CDH16: variants seen among roughly 807,000 people sequenced by gnomAD.
CDH16 encodes cadherin-16.
Under a neutral mutation model 87.6 loss-of-function variants are expected in CDH16, and 79 were observed. That is an observed-to-expected ratio of 0.90 (90% confidence interval 0.75 to 1.09). CDH16 has a LOEUF of 1.09. Ranked by LOEUF, CDH16 falls within the 50% of genes least tolerant of loss-of-function variation. The pLI is 0.00. For synonymous variants in CDH16, 457 were observed against 439.5 expected (o/e 1.04, Z -0.50); for missense variants, 1,124 against 1,071.7 (o/e 1.05, Z -0.68).
At chr16:66,914,883 T>C (rs926936848) in intron 6 of CDH16, among the ~76,000 whole-genome samples, 15 of 152,330 alleles carry the variant, frequency 9.8e-5, no homozygotes, top group African/African-American at 3.4e-4. Flanking sequence ...TTCATGCCTC[T>C]GGTCTGAGCT....
chr16:66,917,901 A>G (rs1056515540), intron 2 of CDH16, 120 bp downstream of exon 2: 17 of 1,044,262 alleles, frequency 1.6e-5, no homozygotes, highest in Non-Finnish European at 2.1e-5. Flanking sequence ...CCCAGCTCTG[A>G]CCCCTCCCAT....
In CDH16 at chr16:66,910,615, A is replaced by G. The variant is rs141575143; in HGVS notation, c.1925-113T>C. The G allele has an allele frequency of 2.1e-4, 236 of 1,128,980 alleles. 1 individual carries two copies. The African/African-American group carries it at 3.1e-3, about 15-fold the overall frequency. 69.9% of individuals were successfully genotyped at this position (1,128,980 alleles called of 1,614,324 possible). On this transcript the variant is annotated intron_variant, in intron 14 of 17. Coordinates refer to ENST00000299752, the MANE Select transcript of CDH16 (RefSeq NM_004062.4). ...GCCTCGCCTTATAGACTCCCCTGCC[A>G]TGCTCCCTCCATGCTTCTCTCCACC...
intron 3 of CDH16, among the ~76,000 whole-genome samples, 178 bp downstream of exon 3, chr16:66,917,464 A>G (rs1475942957): frequency 6.6e-6 from 1 of 152,178 alleles, no homozygotes; most frequent in Non-Finnish European, 1.5e-5. Flanking sequence ...CCAAAATCTG[A>G]AACACTTCTG....
At position 66,916,348 on chromosome 16, in the gene CDH16, T is replaced by C; in HGVS notation, c.211A>G (p.Met71Val). ...SGKATEGPFA[M>V]DPDSGFLLVT... ...AGCAGGAAGCCAGAATCTGGATCCATAGCAAATGGGCCCTCAGTTGCCTTG... is the reference window on the plus strand; with the variant it reads ...AGCAGGAAGCCAGAATCTGGATCCACAGCAAATGGGCCCTCAGTTGCCTTG... Residue 71 changes from methionine (M) to valine (V), a missense_variant, in exon 4 of 18, where the codon ATG (methionine) becomes GTG (valine). Coordinates refer to ENST00000299752, the MANE Select transcript of CDH16 (RefSeq NM_004062.4). This position sits in a 1 kb window ranked among gnomAD's most constrained non-coding sequence, Gnocchi z 4.1. 1.2e-6 allele frequency: 2 copies of C among 1,614,114 alleles called. No homozygotes were observed. Among genetic ancestry groups the C allele is most frequent in the Non-Finnish European group, 1.7e-6 (2 of 1,179,968 alleles).
chr16:66,909,445 C>T lies in CDH16; in HGVS notation c.2276-62G>A, dbSNP rs1962310917. Reference sequence around the variant, plus strand: ...GGAGGGCTCCCCAGCTGCTCAGAGCCCCCAGCCCAGCCACCTGGCTGATAT... The same window carrying T: ...GGAGGGCTCCCCAGCTGCTCAGAGCTCCCAGCCCAGCCACCTGGCTGATAT... On this transcript the variant is annotated intron_variant, in intron 16 of 17. Transcript: ENST00000299752. The surrounding 1 kb of genome is among the most constrained non-coding windows in gnomAD (Gnocchi z 4.1). 1.7e-6 allele frequency: 2 copies of T among 1,188,732 alleles called. No homozygotes were observed. The highest frequency in any genetic ancestry group is 3.7e-5 in the Admixed American group (2 of 53,860). 73.6% of individuals were successfully genotyped at this position (1,188,732 alleles called of 1,614,324 possible). A position where few individuals can be genotyped will look rare whatever the true frequency, so the allele number is the denominator to read the frequency against.
Position 66,916,187 on chromosome 16 carries a change from T to A in CDH16, c.302A>T (p.Gln101Leu), listed in dbSNP as rs1191795577. 2.5e-6 allele frequency: 4 copies of A among 1,614,234 alleles called. No individual in the cohort carries two copies. Residue 101 changes from glutamine to leucine, a missense_variant, in exon 5 of 18, where the codon CAG becomes CTG. Coordinates refer to ENST00000299752, the MANE Select transcript of CDH16 (RefSeq NM_004062.4). The surrounding 1 kb of genome is among the most constrained non-coding windows in gnomAD (Gnocchi z 4.1). The stretch of plus-strand genomic sequence containing the variant: ...TGGACCCCACAAGACATGTCCATCC[T>A]GCATCTCCAGGGTGACCTGGCAGGG... ...EYQLQVTLEM[Q>L]DGHVLWGPQP...
chr16:66,912,164 C>T (rs759802762), intron 12 of CDH16, 24 bp from the exon 13 acceptor site: 49 of 1,606,752 alleles, frequency 3.0e-5, no homozygotes, highest in Non-Finnish European at 3.8e-5. Context: ...GCCCAGGTCA[C>T]TGTGCGGGCC....
At position 66,917,613 on chromosome 16, in the gene CDH16, C is replaced by T. The variant is rs778102575; in HGVS notation, c.129+29G>A. 3.8e-6 allele frequency: 6 copies of T among 1,563,812 alleles called. No homozygotes were observed. In the South Asian group the frequency reaches 5.6e-5, roughly 15 times the overall value. ...CAGGACTTTGCGGGGAGGGATCCCC[C>T]CGGCCCCAACCCCAGCTCTCCGGCT... On this transcript the variant is annotated intron_variant, in intron 3 of 17. Coordinates refer to ENST00000299752, the MANE Select transcript of CDH16 (RefSeq NM_004062.4).
chr16:66,912,927 C>A, intron 9 of CDH16, 36 bp from the exon 10 acceptor site: 1 of 1,576,384 alleles, frequency 6.3e-7, no homozygotes. Context: ...AGGACCACAG[C>A]CCAGCCTGGA....
intron 6 of CDH16, 139 bp from the exon 7 acceptor site, chr16:66,914,551 C>G (rs189796321): frequency 7.8e-6 from 5 of 641,540 alleles, no homozygotes; most frequent in South Asian, 2.0e-5. Context: ...AAGAGAGGAA[C>G]TTTAAGCACT....
In CDH16 at chr16:66,916,300, C is replaced by G; in HGVS notation, c.259G>C (p.Glu87Gln). 6.2e-7 allele frequency: 1 copy of G among 1,613,894 alleles called. No homozygotes were observed. The highest frequency in any genetic ancestry group is 8.5e-7 in the Non-Finnish European group (1 of 1,179,770). Reference sequence around the variant, plus strand: ...TGTAGCTGGTACTCTGCCTGCTCCTCTCGGTCCAGGGCCCTGGTCACCAGC... The same window carrying G: ...TGTAGCTGGTACTCTGCCTGCTCCTGTCGGTCCAGGGCCCTGGTCACCAGC... ...FLLVTRALDR[E>Q]EQAEYQLQVT... Residue 87 changes from glutamate (E) to glutamine (Q), a missense_variant, in exon 4 of 18, where the codon GAG becomes CAG. Transcript: ENST00000299752. The surrounding 1 kb of genome is among the most constrained non-coding windows in gnomAD (Gnocchi z 4.1).
chr16:66,915,971 G>C (rs1298998474), intron 5 of CDH16, 94 bp downstream of exon 5: 1 of 1,413,974 alleles, frequency 7.1e-7, no homozygotes, highest in African/African-American at 1.4e-5. Flanking sequence ...TGGCTGCCCT[G>C]TCCTATGCCA....
chr16:66,910,137 G>A (rs909182343), intron 15 of CDH16, 44 bp from the exon 16 acceptor site: 4 of 1,574,720 alleles, frequency 2.5e-6, no homozygotes, highest in Non-Finnish European at 3.5e-6. Context: ...AGCCTGGACA[G>A]GCCCTCTGGG....
chr16:66,917,311 A>T (rs549601014), intron 3 of CDH16, among the ~76,000 whole-genome samples: 2 of 152,294 alleles, frequency 1.3e-5, no homozygotes, highest in South Asian at 4.1e-4. Flanking sequence ...AAAGAAAAAA[A>T]AATGTATAAC....
In CDH16 at chr16:66,917,610, C is replaced by A. The variant is rs376106476; in HGVS notation, c.129+32G>T. 1.8e-5 allele frequency: 27 copies of A among 1,526,628 alleles called. No individual in the cohort carries two copies. The South Asian group carries it at 2.8e-4, about 16-fold the overall frequency. 94.6% of individuals were successfully genotyped at this position (1,526,628 alleles called of 1,614,324 possible). ...AAGCAGGACTTTGCGGGGAGGGATC[C>A]CCCCGGCCCCAACCCCAGCTCTCCG... On this transcript the variant is annotated intron_variant, in intron 3 of 17. Transcript: ENST00000299752.
At chr16:66,913,376 T>C in intron 8 of CDH16, 95 bp from the exon 9 acceptor site, 1 of 1,565,222 alleles carries the variant, frequency 6.4e-7, no homozygotes, top group Non-Finnish European at 8.7e-7. Context: ...GCTCCAGCTC[T>C]TCGGGGCTCT....
rs753477907 is a variant in CDH16 at position 66,910,109 on chromosome 16, G to A, written c.2168-16C>T. On this transcript the variant is annotated splice_polypyrimidine_tract_variant and intron_variant, in intron 15 of 17. Transcript: ENST00000299752. ...GCATGGGAACCTTTTGGGACAGCAG[G>A]CAAAGACCAGGGTCACCAGCCTGGA... is the stretch of plus-strand genomic sequence containing the variant. 5.4e-5 allele frequency: 86 copies of A among 1,601,512 alleles called. No individual in the cohort carries two copies. Among genetic ancestry groups the A allele is most frequent in the Non-Finnish European group, 7.2e-5 (84 of 1,172,900 alleles).
At position 66,911,909 on chromosome 16, in the gene CDH16, G is replaced by A. The variant is rs778546974; in HGVS notation, c.1780C>T (p.Arg594Ter). Reference sequence around the variant, plus strand: ...GGGATTTTAGCTCACCTGAGGGTTCGGCTGATGGGGTCGGAGGGCTGGATG... The same window carrying A: ...GGGATTTTAGCTCACCTGAGGGTTCAGCTGATGGGGTCGGAGGGCTGGATG... The part of the protein sequence containing the change: ...LTIQPSDPIS[R>*]TLRFSLVNDS... The change falls in exon 13 of 18, where the codon CGA (arginine) becomes TGA (stop). Residue 594 changes from arginine to a stop codon, truncating the protein, a stop_gained. Transcript: ENST00000299752. LOFTEE classifies it high-confidence loss of function. 1.1e-5 allele frequency: 18 copies of A among 1,599,260 alleles called. No homozygotes were observed. Among genetic ancestry groups the A allele is most frequent in the African/African-American group, 1.3e-5 (1 of 74,860 alleles).
chr16:66,916,257 A>G lies in CDH16; in HGVS notation c.285+17T>C. The G allele has an allele frequency of 1.2e-6, 2 of 1,611,962 alleles. No homozygotes were observed. Among genetic ancestry groups the G allele is most frequent in the South Asian group, 2.2e-5 (2 of 90,884 alleles). ...CTCTGCCTTGCCTGCTCTCCCCTAC[A>G]CCTGGCCCAGCCATACCTGTAGCTG... is the stretch of plus-strand genomic sequence containing the variant. On this transcript the variant is annotated intron_variant, in intron 4 of 17. Coordinates refer to ENST00000299752, the MANE Select transcript of CDH16 (RefSeq NM_004062.4). The surrounding 1 kb of genome is among the most constrained non-coding windows in gnomAD (Gnocchi z 4.1).
Sources: allele counts gnomAD v4.1 joint callset (sites outside exome capture counted in the v4.1 genomes callset), GRCh38; gene constraint gnomAD v4.1.1; non-coding constraint Gnocchi (gnomAD v3.1); transcripts MANE v1.5; gene names NCBI Gene and HGNC (gene_info 2026-07-23, HGNC 2026-07-21).